Variants in CLASP1 observed in about 807,000 individuals in gnomAD.
The protein encoded by CLASP1 is cytoplasmic linker associated protein 1.
A neutral mutation model predicts 192.3 loss-of-function variants in CLASP1; 38 were observed. The ratio of observed to expected loss-of-function variants is 0.20; its 90% confidence interval spans 0.15 to 0.26. The LOEUF (loss-of-function observed/expected upper bound fraction) is 0.26. Among genes scored for constraint, CLASP1 ranks in the 10% least tolerant of loss-of-function variants. The pLI, the probability that CLASP1 is intolerant of heterozygous loss-of-function variation, is 1.00. For missense variants in CLASP1, 1,433 were observed against 1,932.5 expected, an observed-to-expected ratio of 0.74 and a Z score of 4.85; for synonymous variants, 691 against 712.8, an observed-to-expected ratio of 0.97 and a Z score of 0.49.
chr2:121,348,934 G>T (rs1392002120), intron 37 of CLASP1, among the ~76,000 whole-genome samples: 2 of 152,058 alleles, frequency 1.3e-5, no homozygotes, highest in Non-Finnish European at 2.9e-5. Context: ...GGGATTCTAG[G>T]AAAAACCTTA....
intron 1 of CLASP1, among the ~76,000 whole-genome samples, chr2:121,632,995 TGTATGTGTGTGC>T (rs2070041560): frequency 2.1e-5 from 3 of 144,398 alleles, no homozygotes; most frequent in Admixed American, 6.9e-5. Context: ...TGTATATATA[TGTATGTGTGTGC>T]ATATATATAT....
intron 19 of CLASP1, among the ~76,000 whole-genome samples, chr2:121,441,002 T>A (rs914523545): frequency 3.9e-5 from 6 of 152,216 alleles, no homozygotes; most frequent in Non-Finnish European, 8.8e-5. Flanking sequence ...ATTCATCTCA[T>A]GACTTTTTAA....
intron 37 of CLASP1, among the ~76,000 whole-genome samples, chr2:121,361,733 C>T (rs116264970): frequency 0.013 from 2,006 of 152,268 alleles, 42 homozygotes; most frequent in African/African-American, 0.045. Context: ...ACCTGGGAAT[C>T]ACTATGTTGA....
At chr2:121,384,573 G>A (rs544245302) in intron 32 of CLASP1, among the ~76,000 whole-genome samples, 4 of 151,528 alleles carry the variant, frequency 2.6e-5, no homozygotes, top group Admixed American at 2.6e-4. Context: ...AGAAATTTTG[G>A]ACTAAAAAAA....
intron 2 of CLASP1, among the ~76,000 whole-genome samples, chr2:121,581,057 G>GT (rs1352966313): frequency 6.6e-6 from 1 of 151,990 alleles, no homozygotes; most frequent in African/African-American, 2.4e-5. Flanking sequence ...TACCAAAAAC[G>GT]TGAGGAAGGA....
In CLASP1 at chr2:121,365,391, G is replaced by T; in HGVS notation, c.3887-107C>A. The T allele has an allele frequency of 6.4e-6, 7 of 1,085,938 alleles. 1 individual carries two copies. The South Asian group carries it at 1.0e-4, about 16-fold the overall frequency. The allele number at this position is 1,085,938 out of a possible 1,614,324, so 67.3% of individuals were successfully genotyped here. ...TCCCTTCCTGCCTCCTCTCCCAGAG[G>T]CGATGCCTCCTTCACGGTTCCCCTC... On this transcript the variant is annotated intron_variant, in intron 35 of 39. Coordinates refer to ENST00000263710, the Ensembl canonical transcript of CLASP1.
chr2:121,467,854 A>C (rs1185353986), intron 9 of CLASP1, among the ~76,000 whole-genome samples: 1 of 152,160 alleles, frequency 6.6e-6, no homozygotes, highest in East Asian at 1.9e-4. Context: ...TTCGTCATGA[A>C]ATCTTTGCCC....
At chr2:121,486,889 G>C (rs1313021584) in intron 8 of CLASP1, among the ~76,000 whole-genome samples, 1 of 152,142 alleles carries the variant, frequency 6.6e-6, no homozygotes, top group African/African-American at 2.4e-5. Context: ...AACATAAATA[G>C]CCATGTTCCA....
At chr2:121,444,014 T>C (rs767335742) in intron 19 of CLASP1, among the ~76,000 whole-genome samples, 5 of 152,196 alleles carry the variant, frequency 3.3e-5, no homozygotes, top group Non-Finnish European at 5.9e-5. Flanking sequence ...TAAGTAAATA[T>C]CCTGAAGGTT....
At chr2:121,629,810 A>T (rs1416603827) in intron 1 of CLASP1, among the ~76,000 whole-genome samples, 1 of 151,860 alleles carries the variant, frequency 6.6e-6, no homozygotes, top group Non-Finnish European at 1.5e-5. Flanking sequence ...TAAAAAAGCA[A>T]ACTAGAAAAC....
rs2062690704 is a variant in CLASP1, at chr2:121,340,798, G to C, written c.*63C>G. The C allele has an allele frequency of 3.2e-6, 4 of 1,263,782 alleles. No individual in the cohort carries two copies. The Admixed American group carries it at 7.8e-5, about 25-fold the overall frequency. The allele number at this position is 1,263,782 out of a possible 1,614,324, so 78.3% of individuals were successfully genotyped here. A position where few individuals can be genotyped will look rare whatever the true frequency, so the allele number is the denominator to read the frequency against. On this transcript the variant is annotated 3_prime_UTR_variant, in exon 40 of 40. Transcript: ENST00000263710. The stretch of plus-strand genomic sequence containing the variant: ...ACTGGGCAGCCGATGAAGGGGGTGG[G>C]GAAAGGTCTCTGAGAGGCACCACCG...
chr2:121,517,128 G>C (rs1010153958), intron 6 of CLASP1, among the ~76,000 whole-genome samples: 42 of 152,338 alleles, frequency 2.8e-4, no homozygotes, highest in African/African-American at 7.9e-4. Flanking sequence ...AGATACAGAA[G>C]AAATGTAACA....
chr2:121,348,857 G>T, intron 37 of CLASP1, 139 bp from the exon 39 acceptor site: 1 of 776,350 alleles, frequency 1.3e-6, no homozygotes, highest in Non-Finnish European at 2.0e-6. Flanking sequence ...TGGCTCAATT[G>T]TTAAACACAG....
intron 25 of CLASP1, among the ~76,000 whole-genome samples, chr2:121,407,257 T>C (rs79695813): frequency 0.037 from 5,622 of 151,722 alleles, 155 homozygotes; most frequent in East Asian, 0.14. Context: ...ATTTGCCAGA[T>C]ATTTCAAAGC....
chr2:121,451,233 C>T (rs1321402362), intron 15 of CLASP1, among the ~76,000 whole-genome samples: 1 of 152,198 alleles, frequency 6.6e-6, no homozygotes, highest in Non-Finnish European at 1.5e-5. Flanking sequence ...TTTGATAACC[C>T]TATTCTCTTG....
intron 1 of CLASP1, among the ~76,000 whole-genome samples, chr2:121,636,337 A>AT (rs2106286385): frequency 7.1e-6 from 1 of 140,006 alleles, no homozygotes; most frequent in African/African-American, 2.8e-5. Flanking sequence ...CTCCATTTCA[A>AT]AAATAATAAT....
chr2:121,500,010 T>C (rs2093678930), intron 8 of CLASP1, among the ~76,000 whole-genome samples: 1 of 152,038 alleles, frequency 6.6e-6, no homozygotes, highest in Non-Finnish European at 1.5e-5. Flanking sequence ...GAAAAAGAAA[T>C]TAAAAGCATA....
At chr2:121,526,199 C>T (rs1025992336) in intron 5 of CLASP1, among the ~76,000 whole-genome samples, 7 of 152,260 alleles carry the variant, frequency 4.6e-5, no homozygotes, top group Non-Finnish European at 7.3e-5. Context: ...TGGGCCAGAG[C>T]TCCAGCCCCC....
At chr2:121,499,580 C>A (rs1294997941) in intron 8 of CLASP1, among the ~76,000 whole-genome samples, 1 of 150,728 alleles carries the variant, frequency 6.6e-6, no homozygotes, top group African/African-American at 2.4e-5. Flanking sequence ...TATATATAAT[C>A]TCAATTTTTA....
Sources: allele counts gnomAD v4.1 joint callset (sites outside exome capture counted in the v4.1 genomes callset), GRCh38; gene constraint gnomAD v4.1.1; transcripts MANE v1.5; gene names NCBI Gene and HGNC (gene_info 2026-07-23, HGNC 2026-07-21).